ACAD9: variants seen among roughly 807,000 people sequenced by gnomAD.
ACAD9 encodes the protein acyl-CoA dehydrogenase family member 9, also known as complex I assembly factor ACAD9, mitochondrial.
A neutral mutation model predicts 70.2 loss-of-function variants in ACAD9; 53 were observed. That is an observed-to-expected ratio of 0.75 (90% CI 0.61 to 0.95). ACAD9 has a LOEUF of 0.95. Ranked by LOEUF, ACAD9 falls within the 40% of genes least tolerant of loss-of-function variation. ACAD9 has a pLI of 0.00. For missense variants in ACAD9, 777 were observed against 802.8 expected (o/e 0.97, Z 0.39); for synonymous variants, 313 against 312.1 (o/e 1.00, Z -0.03).
intron 1 of ACAD9, chr3:128,880,085 A>C: frequency 1.4e-6 from 2 of 1,451,668 alleles, no homozygotes. Context: ...AAATTTTGTC[A>C]GGGGAATTCG....
intron 17 of ACAD9, among the ~76,000 whole-genome samples, chr3:128,911,675 C>G (rs565395095): frequency 2.2e-3 from 339 of 152,344 alleles, no homozygotes; most frequent in Admixed American, 5.0e-3. Flanking sequence ...CCCCTGACCT[C>G]AGGTGATCCG....
chr3:128,910,131 C>A lies in ACAD9; in HGVS notation c.1674C>A (p.Leu558=). The A allele has an allele frequency of 6.2e-7, 1 of 1,614,072 alleles. No homozygotes were observed. The highest frequency in any genetic ancestry group is 1.1e-5 in the South Asian group (1 of 91,070). The change falls in exon 16 of 18, where the codon CTC becomes CTA. Residue 558 remains leucine (L), a synonymous_variant. Coordinates refer to ENST00000308982, the MANE Select transcript of ACAD9 (RefSeq NM_014049.5). ...SRASRSIRIG[L]RNHDHEVLLA... ...CCAGCCGCTCCATCCGCATTGGGCT[C>A]CGCAACCACGACCACGAGGTGAGCC...
rs748180147 is a variant in ACAD9 at position 128,909,054 on chromosome 3, C to T, written c.1440C>T (p.Asp480=). ...GGGACTCCCTGGGCCGAACTGTGGA[C>T]CTGGGGCTGACAGGCAACCATGGAG... ...RLRDSLGRTV[D]LGLTGNHGVV... is the part of the protein sequence containing the mutation. Residue 480 remains aspartate (D), a synonymous_variant, in exon 14 of 18, where the codon GAC becomes GAT. Coordinates refer to ENST00000308982, the MANE Select transcript of ACAD9 (RefSeq NM_014049.5). The T allele has an allele frequency of 2.0e-5, 33 of 1,614,010 alleles. No homozygotes were observed. The South Asian group carries it at 3.4e-4, about 17-fold the overall frequency.
intron 6 of ACAD9, chr3:128,898,390 A>G: frequency 2.2e-6 from 1 of 452,320 alleles, no homozygotes; most frequent in Non-Finnish European, 4.4e-6. Flanking sequence ...TACCCTTATC[A>G]CATTTTAAAA....
intron 11 of ACAD9, among the ~76,000 whole-genome samples, chr3:128,905,799 T>A (rs1935868489): frequency 6.6e-6 from 1 of 151,978 alleles, no homozygotes; most frequent in South Asian, 2.1e-4. Flanking sequence ...CAGAAAGAAA[T>A]CACGGCCGCT....
Position 128,902,548 on chromosome 3 carries a change from T to C in ACAD9, c.883-5T>C. The C allele has an allele frequency of 6.2e-7, 1 of 1,614,188 alleles. No homozygotes were observed. On this transcript the variant is annotated splice_region_variant and splice_polypyrimidine_tract_variant and intron_variant, in intron 8 of 17. Coordinates refer to ENST00000308982, the MANE Select transcript of ACAD9 (RefSeq NM_014049.5). This position sits in a 1 kb window ranked among gnomAD's most constrained non-coding sequence, Gnocchi z 4.0. ...GCCCCTGGGCTCTCCCTGTTCTCCC[T>C]GCAGGTGGCCATGAACATCCTCAAC...
chr3:128,904,556 CT>C, intron 11 of ACAD9, 51 bp downstream of exon 11: 1 of 1,594,268 alleles, frequency 6.3e-7, no homozygotes, highest in Non-Finnish European at 8.5e-7. Flanking sequence ...CTTGGGAAAT[CT>C]CCCTCACTGT....
At chr3:128,909,680 G>A (rs537329893) in intron 15 of ACAD9, 32 of 602,824 alleles carry the variant, frequency 5.3e-5, no homozygotes, top group Middle Eastern at 4.4e-4. Flanking sequence ...CCCTAGAATC[G>A]GGAGGGCAGC....
At position 128,902,550 on chromosome 3, in the gene ACAD9, C is replaced by T. The variant is rs1230815462; in HGVS notation, c.883-3C>T. On this transcript the variant is annotated splice_region_variant and splice_polypyrimidine_tract_variant and intron_variant, in intron 8 of 17. Coordinates refer to ENST00000308982, the MANE Select transcript of ACAD9 (RefSeq NM_014049.5). The surrounding 1 kb of genome is among the most constrained non-coding windows in gnomAD (Gnocchi z 4.0). ...CCCTGGGCTCTCCCTGTTCTCCCTG[C>T]AGGTGGCCATGAACATCCTCAACAG... 1 of 1,614,204 alleles carries T rather than the reference C, an allele frequency of 6.2e-7. No homozygotes were observed. The highest frequency in any genetic ancestry group is 8.5e-7 in the Non-Finnish European group (1 of 1,180,014).
chr3:128,893,939 C>T (rs890956281), intron 3 of ACAD9, among the ~76,000 whole-genome samples: 2 of 152,156 alleles, frequency 1.3e-5, no homozygotes, highest in African/African-American at 4.8e-5. Flanking sequence ...GTCCTTTGTC[C>T]TATGGACTGT....
chr3:128,895,632 C>T (rs1385766137), intron 4 of ACAD9, among the ~76,000 whole-genome samples: 1 of 152,232 alleles, frequency 6.6e-6, no homozygotes, highest in African/African-American at 2.4e-5. Context: ...TCCCTTCCTT[C>T]TGAATCCACC....
chr3:128,903,730 A>G (rs1002574237), intron 9 of ACAD9, among the ~76,000 whole-genome samples: 1 of 151,878 alleles, frequency 6.6e-6, no homozygotes, highest in South Asian at 2.1e-4. Flanking sequence ...TCCCCCTTCC[A>G]CCTGGTTGCA....
At chr3:128,906,335 C>G in intron 12 of ACAD9, 86 bp downstream of exon 12, 1 of 1,586,446 alleles carries the variant, frequency 6.3e-7, no homozygotes, top group Non-Finnish European at 8.6e-7. Context: ...CGCAGAGGCC[C>G]CCGCAGCCCA....
intron 17 of ACAD9, among the ~76,000 whole-genome samples, chr3:128,911,087 G>A (rs1270206801): frequency 2.0e-5 from 3 of 152,150 alleles, no homozygotes; most frequent in African/African-American, 4.8e-5. Flanking sequence ...ATGGAGTTTC[G>A]CTCTTGTTGC....
At chr3:128,899,782 TC>T (rs974981293) in intron 7 of ACAD9, among the ~76,000 whole-genome samples, 4 of 152,142 alleles carry the variant, frequency 2.6e-5, no homozygotes, top group Non-Finnish European at 5.9e-5. Context: ...CAGCTTACAG[TC>T]CCCAGCCTTT....
intron 7 of ACAD9, 57 bp downstream of exon 7, chr3:128,899,518 T>TGG: frequency 6.8e-7 from 1 of 1,461,568 alleles, no homozygotes; most frequent in Non-Finnish European, 9.3e-7. Flanking sequence ...AGACTGGCCT[T>TGG]TGACGGTGTG....
chr3:128,902,527 C>T lies in ACAD9; in HGVS notation c.883-26C>T. ...CCTCCCTCTGCCTCCTTCAGGGCCC[C>T]TGGGCTCTCCCTGTTCTCCCTGCAG... On this transcript the variant is annotated intron_variant, in intron 8 of 17. Transcript: ENST00000308982. This position sits in a 1 kb window ranked among gnomAD's most constrained non-coding sequence, Gnocchi z 4.0. The T allele has an allele frequency of 6.2e-7, 1 of 1,614,076 alleles. No homozygotes were observed. The highest frequency in any genetic ancestry group is 8.5e-7 in the Non-Finnish European group (1 of 1,179,898).
chr3:128,886,303 A>G (rs142318752), intron 2 of ACAD9, among the ~76,000 whole-genome samples: 4,060 of 151,736 alleles, frequency 0.027, 76 homozygotes, highest in Non-Finnish European at 0.041. Context: ...GGGTTTCACT[A>G]TGTTGGCCAG....
At chr3:128,883,000 G>T (rs912615170) in intron 1 of ACAD9, among the ~76,000 whole-genome samples, 8 of 151,990 alleles carry the variant, frequency 5.3e-5, no homozygotes, top group Non-Finnish European at 1.2e-4. Context: ...CCAAGTGTCA[G>T]TGAGCCTCTG....
Sources: gnomAD v4.1 joint callset for allele counts (sites outside exome capture counted in the v4.1 genomes callset) on GRCh38, gnomAD v4.1.1 for gene constraint, Gnocchi (gnomAD v3.1) non-coding constraint, MANE v1.5 for transcripts, NCBI Gene and HGNC (gene_info 2026-07-23, HGNC 2026-07-21) for gene names.